YTHDC1: variants seen among roughly 807,000 people sequenced by gnomAD.
YTHDC1 encodes YTH N6-methyladenosine RNA binding protein C1.
Under a neutral mutation model 107.0 loss-of-function variants are expected in YTHDC1, and 12 were observed. That is an observed-to-expected ratio of 0.11 (90% confidence interval 0.07 to 0.18). The LOEUF (loss-of-function observed/expected upper bound fraction) is 0.18, where lower values mean the gene tolerates loss of function less well. Among genes scored for constraint, YTHDC1 ranks in the 10% least tolerant of loss-of-function variants. The pLI is 1.00. For synonymous variants in YTHDC1, 280 were observed against 289.5 expected (o/e 0.97, Z 0.33); for missense variants, 635 against 898.8 (o/e 0.71, Z 3.75).
chr4:68,332,745 T>TTA (rs756348865), intron 6 of YTHDC1, 49 bp downstream of exon 6: 1 of 1,556,632 alleles, frequency 6.4e-7, no homozygotes, highest in Admixed American at 1.7e-5. Flanking sequence ...TAAGGAAAAA[T>TTA]AATGACTATG....
In YTHDC1 at chr4:68,337,538, C is replaced by T. The variant is rs1305773469; in HGVS notation, c.459+34G>A. 2.5e-6 allele frequency: 4 copies of T among 1,583,794 alleles called. No homozygotes were observed. The Admixed American group carries it at 7.5e-5, about 30-fold the overall frequency. ...AGTTCTAAAGCCTCAAAAAGAATGG[C>T]TTTCTGTTTTATATCTGCAATAATA... On this transcript the variant is annotated intron_variant, in intron 3 of 16. Coordinates refer to ENST00000344157, the MANE Select transcript of YTHDC1 (RefSeq NM_001031732.4).
rs1180137330 is a variant in YTHDC1, at chr4:68,350,066, CG to C, written c.-314del. 1 of 506,368 alleles carries C rather than the reference CG, an allele frequency of 2.0e-6. No homozygotes were observed. The highest frequency in any genetic ancestry group is 2.0e-5 in the African/African-American group (1 of 50,336). 31.4% of individuals were successfully genotyped at this position (506,368 alleles called of 1,614,324 possible). The stretch of plus-strand genomic sequence containing the variant: ...GCGCTAAAATGGAGCCTGCTTCCTG[CG>C]CGAAACAATCCCGCTCCCGAAATGC... On this transcript the variant is annotated 5_prime_UTR_variant, in exon 1 of 17. Coordinates refer to ENST00000344157, the MANE Select transcript of YTHDC1 (RefSeq NM_001031732.4).
chr4:68,340,405 G>A (rs1724684329), intron 1 of YTHDC1, among the ~76,000 whole-genome samples: 1 of 151,886 alleles, frequency 6.6e-6, no homozygotes, highest in South Asian at 2.1e-4. Context: ...AGGCTATATG[G>A]GTTTTTATTT....
rs1475955743 is a variant in YTHDC1 at position 68,310,517 on chromosome 4, G to C, written c.*3582C>G. ...AGAATCCCCACCCCAAAAAATTAGA[G>C]ATTAAATGATCTACATGATAGATAA... On this transcript the variant is annotated 3_prime_UTR_variant, in exon 17 of 17. Coordinates refer to ENST00000344157, the MANE Select transcript of YTHDC1 (RefSeq NM_001031732.4). The C allele has an allele frequency of 6.6e-6, 1 of 152,164 alleles. No homozygotes were observed. Among genetic ancestry groups the C allele is most frequent in the African/African-American group, 2.4e-5 (1 of 41,448 alleles). The allele number at this position is 152,164 out of a possible 1,614,324, so 9.4% of individuals were successfully genotyped here.
At chr4:68,335,078 G>A (rs922886298) in intron 4 of YTHDC1, among the ~76,000 whole-genome samples, 1 of 152,018 alleles carries the variant, frequency 6.6e-6, no homozygotes, top group African/African-American at 2.4e-5. Flanking sequence ...CAGGTCAAAA[G>A]AACAATGAAA....
Position 68,318,709 on chromosome 4 carries a change from C to T in YTHDC1, c.1742G>A (p.Arg581Gln), listed in dbSNP as rs769172184. The change falls in exon 14 of 17, where the codon CGA becomes CAA. Residue 581 changes from arginine (R) to glutamine (Q), a missense_variant. Around this residue, in one of 5 missense-constraint regions of YTHDC1, gnomAD observed 256 missense variants for 372.9 expected, o/e 0.69. Transcript: ENST00000344157. ...GCTTACCCCATTTAAAAACACATCT[C>T]GGCGAACTCCTGAAAATCGTCTGTT... The part of the protein sequence containing the change: ...EVDRRFSGVR[R>Q]DVFLNGSYND... The T allele has an allele frequency of 4.3e-6, 7 of 1,614,032 alleles. No homozygotes were observed. The highest frequency in any genetic ancestry group is 3.3e-5 in the Admixed American group (2 of 60,010).
intron 1 of YTHDC1, among the ~76,000 whole-genome samples, chr4:68,342,869 A>G (rs557374334): frequency 9.7e-4 from 145 of 149,602 alleles, no homozygotes; most frequent in African/African-American, 3.4e-3. Flanking sequence ...TTAGATATAA[A>G]GTAATATCCA....
intron 15 of YTHDC1, among the ~76,000 whole-genome samples, chr4:68,318,234 G>A (rs1722075756): frequency 6.6e-6 from 1 of 152,116 alleles, no homozygotes; most frequent in Non-Finnish European, 1.5e-5. Flanking sequence ...GAGTAGCTGG[G>A]AGTACAGGCA....
At chr4:68,323,080 G>A (rs1016789653) in intron 10 of YTHDC1, among the ~76,000 whole-genome samples, 165 bp from the exon 11 acceptor site, 1 of 152,190 alleles carries the variant, frequency 6.6e-6, no homozygotes, top group Non-Finnish European at 1.5e-5. Context: ...CATTTAAAAA[G>A]TGTTTTGTGT....
intron 9 of YTHDC1, among the ~76,000 whole-genome samples, chr4:68,329,200 A>G (rs932895765): frequency 1.3e-5 from 2 of 152,072 alleles, no homozygotes; most frequent in Non-Finnish European, 2.9e-5. Flanking sequence ...AAAAAAAGGT[A>G]GCTCCCTATC....
rs185963318 is a variant in YTHDC1 at position 68,318,425 on chromosome 4, T to C, written c.1824+94A>G. On this transcript the variant is annotated intron_variant, in intron 15 of 16. Transcript: ENST00000344157. ...GCCTGGCCAGTTTAAGTCTCTTTAA[T>C]GAGTAACTGTAACAATCATATTCCG... 2,699 of 1,268,802 alleles carry C rather than the reference T, an allele frequency of 2.1e-3. 7 individuals carry two copies. Among genetic ancestry groups the C allele is most frequent in the Non-Finnish European group, 2.4e-3 (2,233 of 922,382 alleles). The allele number at this position is 1,268,802 out of a possible 1,614,324, so 78.6% of individuals were successfully genotyped here.
At chr4:68,323,844 A>G (rs544593783) in intron 10 of YTHDC1, among the ~76,000 whole-genome samples, 2 of 152,212 alleles carry the variant, frequency 1.3e-5, no homozygotes, top group Non-Finnish European at 2.9e-5. Flanking sequence ...AAACTGAAGA[A>G]TCTGTTAAAC....
At chr4:68,335,210 G>C (rs1724019594) in intron 4 of YTHDC1, among the ~76,000 whole-genome samples, 1 of 152,052 alleles carries the variant, frequency 6.6e-6, no homozygotes, top group South Asian at 2.1e-4. Context: ...ACTCAACTGT[G>C]ATCACTTTTA....
At chr4:68,323,589 C>T (rs116267995) in intron 10 of YTHDC1, among the ~76,000 whole-genome samples, 5,126 of 151,972 alleles carry the variant, frequency 0.034, 93 homozygotes, top group Middle Eastern at 0.065. Flanking sequence ...TAGCCACTCT[C>T]GTAACCTGGT....
chr4:68,314,181 C>G lies in YTHDC1; in HGVS notation c.2102G>C (p.Arg701Thr). The change falls in exon 17 of 17, where the codon AGA (arginine) becomes ACA (threonine). Residue 701 changes from arginine (R) to threonine (T), a missense_variant. Physicochemically the swap from Arg to Thr is moderately conservative, Grantham distance 71 (BLOSUM62 -1). Transcript: ENST00000344157. ...TCTTTCTCTTTCTCTATCACGTCCT[C>G]TATCTCGCTCTCTGTCTCGTCTGTT... The part of the protein sequence containing the change: ...RDNRRDRERD[R>T]GRDRERERER... 1 of 1,613,642 alleles carries G rather than the reference C, an allele frequency of 6.2e-7. No homozygotes were observed. Among genetic ancestry groups the G allele is most frequent in the Non-Finnish European group, 8.5e-7 (1 of 1,179,782 alleles).
chr4:68,333,266 T>G, intron 5 of YTHDC1, 42 bp downstream of exon 5: 1 of 1,484,884 alleles, frequency 6.7e-7, no homozygotes, highest in Non-Finnish European at 9.3e-7. Flanking sequence ...TAAAGCAGAT[T>G]ACATTAGAAT....
intron 15 of YTHDC1, 114 bp from the exon 16 acceptor site, chr4:68,316,562 A>G (rs1225259056): frequency 2.5e-6 from 3 of 1,211,396 alleles, no homozygotes; most frequent in African/African-American, 1.5e-5. Context: ...TGTACTAGAC[A>G]TTTACTTTGA....
intron 4 of YTHDC1, among the ~76,000 whole-genome samples, chr4:68,333,958 C>G (rs1723877786): frequency 6.6e-6 from 1 of 152,098 alleles, no homozygotes; most frequent in Non-Finnish European, 1.5e-5. Flanking sequence ...TTAGCCATTT[C>G]CTCCCTGGAT....
chr4:68,336,146 T>C (rs993169352), intron 4 of YTHDC1, among the ~76,000 whole-genome samples: 27 of 150,926 alleles, frequency 1.8e-4, no homozygotes, highest in African/African-American at 6.5e-4. Flanking sequence ...TGTACTATTA[T>C]AAATGATCAA....
Sources: gnomAD v4.1 joint callset for allele counts (sites outside exome capture counted in the v4.1 genomes callset) on GRCh38, gnomAD v4.1.1 for gene constraint, gnomAD v4.1.1 regional missense constraint, MANE v1.5 for transcripts, NCBI Gene and HGNC (gene_info 2026-07-23, HGNC 2026-07-21) for gene names.